MAP3K20: variants seen among roughly 807,000 people sequenced by gnomAD.
MAP3K20 encodes the protein mitogen-activated protein kinase kinase kinase 20.
In MAP3K20, 40 loss-of-function variants were observed where a neutral mutation model predicts 85.7. The observed-to-expected ratio is 0.47, with a 90% CI of 0.36 to 0.61. MAP3K20 has a LOEUF of 0.61. Ranked by LOEUF, MAP3K20 falls within the 20% of genes least tolerant of loss-of-function variation. MAP3K20 has a pLI of 0.00. For missense variants in MAP3K20, 817 were observed against 961.7 expected (o/e 0.85, Z 1.99); for synonymous variants, 325 against 327.7 (o/e 0.99, Z 0.09).
intron 2 of MAP3K20, among the ~76,000 whole-genome samples, chr2:173,097,998 T>C (rs1176442012): frequency 6.6e-6 from 1 of 152,232 alleles, no homozygotes; most frequent in Non-Finnish European, 1.5e-5. Flanking sequence ...GCTAACTTTT[T>C]ATTAATAAAT....
intron 5 of MAP3K20, among the ~76,000 whole-genome samples, chr2:173,190,226 CTT>C (rs1245159419): frequency 6.6e-6 from 1 of 152,132 alleles, no homozygotes; most frequent in Non-Finnish European, 1.5e-5. Context: ...TTACAGGAAA[CTT>C]CATCTGACCG....
chr2:173,169,550 C>T (rs1408502722), intron 2 of MAP3K20, among the ~76,000 whole-genome samples: 1 of 150,286 alleles, frequency 6.7e-6, no homozygotes, highest in African/African-American at 2.4e-5. Context: ...GACCCCATCT[C>T]TTAAAAAAAA....
chr2:173,153,997 T>C (rs1358959832), intron 2 of MAP3K20, among the ~76,000 whole-genome samples: 1 of 152,214 alleles, frequency 6.6e-6, no homozygotes, highest in Non-Finnish European at 1.5e-5. Context: ...GTTTTCTTGC[T>C]TTTTAGGAGT....
rs141153849 is a variant in MAP3K20, at chr2:173,239,380, T to C, written c.1267-24T>C. 3.2e-6 allele frequency: 5 copies of C among 1,578,826 alleles called. No homozygotes were observed. The South Asian group carries it at 3.5e-5, about 11-fold the overall frequency. ...GAAGTAAAAACAACATCTAGAATAA[T>C]TGGTGCTTGGTTTCCTGTTTTAGGA... is the stretch of plus-strand genomic sequence containing the variant. On this transcript the variant is annotated intron_variant, in intron 15 of 19. Coordinates refer to ENST00000375213, the MANE Select transcript of MAP3K20 (RefSeq NM_016653.3).
At chr2:173,216,066 TCCCTCTC>T (rs533144555) in intron 10 of MAP3K20, among the ~76,000 whole-genome samples, 2 of 152,174 alleles carry the variant, frequency 1.3e-5, no homozygotes, top group Non-Finnish European at 2.9e-5. Context: ...AGCCTTGACT[TCCCTCTC>T]CCCTCTCCCT....
intron 2 of MAP3K20, among the ~76,000 whole-genome samples, chr2:173,144,462 CAAAAA>C (rs71018537): frequency 5.4e-5 from 5 of 92,878 alleles, no homozygotes; most frequent in African/African-American, 7.9e-5. Context: ...GACTCCGTCT[CAAAAA>C]AAAAAAAAAA....
intron 16 of MAP3K20, 90 bp downstream of exon 16, chr2:173,239,586 C>T: frequency 9.0e-7 from 1 of 1,108,096 alleles, no homozygotes; most frequent in Non-Finnish European, 1.3e-6. Context: ...CACCCCCTAC[C>T]AGCTGGTAAC....
intron 2 of MAP3K20, among the ~76,000 whole-genome samples, chr2:173,131,681 T>C (rs541123517): frequency 2.0e-5 from 3 of 151,336 alleles, no homozygotes; most frequent in Non-Finnish European, 4.5e-5. Context: ...CAGAAAATCA[T>C]GTGTAGAAAT....
At chr2:173,200,747 A>AT in intron 8 of MAP3K20, among the ~76,000 whole-genome samples, 1 of 152,222 alleles carries the variant, frequency 6.6e-6, no homozygotes, top group East Asian at 1.9e-4. Flanking sequence ...CACCATTATC[A>AT]TACCACTGCA....
intron 2 of MAP3K20, among the ~76,000 whole-genome samples, chr2:173,114,017 G>A (rs1688048981): frequency 6.6e-6 from 1 of 152,002 alleles, no homozygotes; most frequent in Non-Finnish European, 1.5e-5. Flanking sequence ...TTGTGTTGCT[G>A]TCTGTCTCAT....
intron 14 of MAP3K20, among the ~76,000 whole-genome samples, chr2:173,235,955 G>C (rs1264191112): frequency 6.6e-6 from 1 of 152,108 alleles, no homozygotes; most frequent in African/African-American, 2.4e-5. Context: ...AAAGCTTTAA[G>C]ATAGAATCGG....
chr2:173,215,459 G>T (rs1008775094), intron 10 of MAP3K20, among the ~76,000 whole-genome samples: 4 of 152,144 alleles, frequency 2.6e-5, no homozygotes, highest in African/African-American at 9.7e-5. Flanking sequence ...AAATATCAGG[G>T]ATAAAATTTG....
intron 19 of MAP3K20, 63 bp downstream of exon 19, chr2:173,263,958 A>T: frequency 6.5e-7 from 1 of 1,549,824 alleles, no homozygotes; most frequent in Non-Finnish European, 8.7e-7. Flanking sequence ...TGACATTTCC[A>T]GATGATCTAA....
rs887544574 is a variant in MAP3K20, at chr2:173,113,862, G to T, written c.159+22672G>T. 3.3e-5 allele frequency among the ~76,000 whole-genome samples: 5 copies of T among 152,018 alleles called. No individual in the cohort carries two copies. The East Asian group carries it at 7.7e-4, about 23-fold the overall frequency. On this transcript the variant is annotated intron_variant, in intron 2 of 19. Coordinates refer to ENST00000375213, the MANE Select transcript of MAP3K20 (RefSeq NM_016653.3). ...CACTGTTGAATAAAATGTGTATTTTGGGGCTGTTGGATGAAATATTCCGTA... is the reference window on the plus strand; with the variant it reads ...CACTGTTGAATAAAATGTGTATTTTTGGGCTGTTGGATGAAATATTCCGTA...
intron 14 of MAP3K20, among the ~76,000 whole-genome samples, chr2:173,236,426 G>C (rs1684650790): frequency 6.6e-6 from 1 of 152,104 alleles, no homozygotes; most frequent in South Asian, 2.1e-4. Context: ...TCAGTGTAAT[G>C]TTCTCTTTTT....
At chr2:173,196,736 G>T (rs1429347033) in intron 7 of MAP3K20, among the ~76,000 whole-genome samples, 1 of 152,174 alleles carries the variant, frequency 6.6e-6, no homozygotes, top group Non-Finnish European at 1.5e-5. Context: ...TTAGAAATGA[G>T]CTTTTGTTTT....
intron 11 of MAP3K20, among the ~76,000 whole-genome samples, chr2:173,228,478 A>G (rs1349754980): frequency 6.6e-6 from 1 of 152,194 alleles, no homozygotes; most frequent in African/African-American, 2.4e-5. Context: ...TGGTATACCC[A>G]TAGACATTGA....
At chr2:173,233,516 A>T (rs1362149831) in intron 14 of MAP3K20, among the ~76,000 whole-genome samples, 2 of 152,220 alleles carry the variant, frequency 1.3e-5, no homozygotes, top group Non-Finnish European at 2.9e-5. Flanking sequence ...CATTGTGACT[A>T]ATCTTGTTTC....
chr2:173,207,041 G>T (rs189917377), intron 9 of MAP3K20, among the ~76,000 whole-genome samples: 1 of 111,332 alleles, frequency 9.0e-6, no homozygotes, highest in Non-Finnish European at 1.7e-5. Flanking sequence ...GGTCGGGGGC[G>T]GGGTGGTGAT....
Sources: allele counts gnomAD v4.1 joint callset (sites outside exome capture counted in the v4.1 genomes callset), GRCh38; gene constraint gnomAD v4.1.1; transcripts MANE v1.5; gene names NCBI Gene and HGNC (gene_info 2026-07-23, HGNC 2026-07-21).